The following ASMT variants were observed in gnomAD, a reference collection of about 807,000 sequenced individuals.
ASMT encodes acetylserotonin O-methyltransferase, also known as acetylserotonin N-methyltransferase.
Under a neutral mutation model 41.3 loss-of-function variants are expected in ASMT, and 53 were observed. The observed-to-expected ratio is 1.28, with a 90% CI of 1.03 to 1.61. The LOEUF (loss-of-function observed/expected upper bound fraction) is 1.61. Ranked by LOEUF, ASMT falls within the 40% of genes most tolerant of loss-of-function variation. ASMT has a pLI of 0.00. For synonymous variants in ASMT, 231 were observed against 184.8 expected (o/e 1.25, Z -2.03); for missense variants, 531 against 441.3 (o/e 1.20, Z -1.82).
At chrX:1,616,514 C>T (rs562472128) in intron 1 of ASMT, among the ~76,000 whole-genome samples, 5 of 151,180 alleles carry the variant, frequency 3.3e-5, no homozygotes, top group African/African-American at 4.8e-5. Flanking sequence ...TTCTGGAACC[C>T]GGCGGAAGTG....
intron 5 of ASMT, among the ~76,000 whole-genome samples, chrX:1,630,195 A>C (rs73174042): frequency 1.3e-5 from 2 of 151,350 alleles, no homozygotes; most frequent in African/African-American, 4.8e-5. Flanking sequence ...GTGCAGTGGC[A>C]TGATCTCGGC....
At chrX:1,625,903 C>T (rs1282268792) in intron 3 of ASMT, among the ~76,000 whole-genome samples, 26 of 138,040 alleles carry the variant, frequency 1.9e-4, no homozygotes, top group East Asian at 4.5e-4. Context: ...TGCAGTGAGC[C>T]AAGATCGCAC....
At chrX:1,617,175 T>C (rs1381712815) in intron 1 of ASMT, among the ~76,000 whole-genome samples, 1 of 149,044 alleles carries the variant, frequency 6.7e-6, no homozygotes, top group Non-Finnish European at 1.5e-5. Flanking sequence ...TGAGTCTCTT[T>C]AAAAAATAAA....
chrX:1,618,877 G>A (rs1344423570), intron 1 of ASMT, among the ~76,000 whole-genome samples: 2 of 151,744 alleles, frequency 1.3e-5, no homozygotes, highest in South Asian at 2.1e-4. Context: ...GGTTCACAGC[G>A]GTGTTCAGGG....
rs1355257937 is a variant in ASMT at position 1,632,787 on chromosome X, G to A, written c.646G>A (p.Gly216Ser). 4.9e-6 allele frequency: 2 copies of A among 411,826 alleles called. No individual in the cohort carries two copies. The highest frequency in any genetic ancestry group is 9.1e-6 in the Non-Finnish European group (2 of 219,678). The allele number at this position is 411,826 out of a possible 1,614,324, so 25.5% of individuals were successfully genotyped here. A position where few individuals can be genotyped will look rare whatever the true frequency, so the allele number is the denominator to read the frequency against. ...KTKHRVFSLI[G>S]GAGALAKECM... The stretch of plus-strand genomic sequence containing the variant: ...CAAACACCGCGTGTTCTCACTCATA[G>A]GTGGGAACTGAACAATGAGACCACA... The change falls in exon 6 of 9, where the codon GGT becomes AGT. Residue 216 changes from glycine (G) to serine (S), a missense_variant and splice_region_variant. By Grantham distance (56) the Gly-to-Ser change is moderately conservative (BLOSUM62 0). Transcript: ENST00000381241.
At chrX:1,615,755 TCG>T (rs1569367384) in intron 1 of ASMT, among the ~76,000 whole-genome samples, 7 of 151,242 alleles carry the variant, frequency 4.6e-5, no homozygotes, top group Non-Finnish European at 8.8e-5. Flanking sequence ...TGAGCCGAGA[TCG>T]CACCACTGCA....
chrX:1,616,091 C>CTGT (rs1569367676), intron 1 of ASMT, among the ~76,000 whole-genome samples: 9 of 151,392 alleles, frequency 5.9e-5, no homozygotes, highest in Non-Finnish European at 1.0e-4. Context: ...TGCAGTGGCA[C>CTGT]GGTCTTGGCT....
At chrX:1,616,210 G>C (rs1306510696) in intron 1 of ASMT, among the ~76,000 whole-genome samples, 5 of 151,414 alleles carry the variant, frequency 3.3e-5, no homozygotes, top group African/African-American at 4.9e-5. Flanking sequence ...TGTATTTTTA[G>C]TAGAGATGGG....
At chrX:1,616,635 C>T (rs1183239210) in intron 1 of ASMT, among the ~76,000 whole-genome samples, 12 of 151,310 alleles carry the variant, frequency 7.9e-5, no homozygotes, top group Non-Finnish European at 1.3e-4. Context: ...TTTGGGGGTC[C>T]GAAACGAGGG....
chrX:1,617,774 C>G (rs1241166748), intron 1 of ASMT, among the ~76,000 whole-genome samples: 4 of 151,668 alleles, frequency 2.6e-5, no homozygotes, highest in Non-Finnish European at 5.9e-5. Context: ...TTCCAACACG[C>G]CCAGATAATT....
intron 1 of ASMT, among the ~76,000 whole-genome samples, chrX:1,615,786 A>G (rs1454733195): frequency 6.6e-6 from 1 of 151,926 alleles, no homozygotes; most frequent in East Asian, 1.9e-4. Context: ...TGGGGGACAC[A>G]GCAAGACTCT....
intron 5 of ASMT, among the ~76,000 whole-genome samples, chrX:1,631,714 A>G (rs1237061985): frequency 6.6e-6 from 1 of 151,878 alleles, no homozygotes; most frequent in Non-Finnish European, 1.5e-5. Context: ...CAGGAGTTCG[A>G]GATCAGCCTG....
intron 6 of ASMT, 128 bp downstream of exon 6, chrX:1,632,915 A>T: frequency 1.6e-6 from 1 of 615,010 alleles, no homozygotes; most frequent in Non-Finnish European, 2.9e-6. Flanking sequence ...AATGTAAATG[A>T]CGAGTCGATG....
intron 3 of ASMT, among the ~76,000 whole-genome samples, chrX:1,627,482 G>T (rs1451645173): frequency 6.7e-6 from 1 of 149,896 alleles, no homozygotes; most frequent in Admixed American, 6.7e-5. Flanking sequence ...TTAGCTGGGC[G>T]TGGTGGCGGG....
At position 1,630,071 on chromosome X, in the gene ASMT, A is replaced by G. The variant is rs1484855141; in HGVS notation, c.562+132A>G. ...CGGCCTTACTGGTCTTAGAGGAATC[A>G]TTCCTCCCAGCACTGGGCACTTCCT... is the stretch of plus-strand genomic sequence containing the variant. On this transcript the variant is annotated intron_variant, in intron 5 of 8. Coordinates refer to ENST00000381241, the MANE Select transcript of ASMT (RefSeq NM_001171038.2). 29 of 867,312 alleles carry G rather than the reference A, an allele frequency of 3.3e-5. No individual in the cohort carries two copies. The South Asian group carries it at 3.7e-4, about 11-fold the overall frequency. 53.7% of individuals were successfully genotyped at this position (867,312 alleles called of 1,614,324 possible). A position where few individuals can be genotyped will look rare whatever the true frequency, so the allele number is the denominator to read the frequency against.
At position 1,637,017 on chromosome X, in the gene ASMT, C is replaced by T. The variant is rs1369170430; in HGVS notation, c.910+457C>T. On this transcript the variant is annotated intron_variant, in intron 8 of 8. Transcript: ENST00000381241. Reference sequence around the variant, plus strand: ...CTCTGTGTGTGATGGGGACAGTGTCCCAGCTCTCCTGTGAGGTCCATCCAT... The same window carrying T: ...CTCTGTGTGTGATGGGGACAGTGTCTCAGCTCTCCTGTGAGGTCCATCCAT... Among the ~76,000 whole-genome samples, 2 of 76,908 alleles carry T rather than the reference C, an allele frequency of 2.6e-5. 1 individual carries two copies. Among genetic ancestry groups the T allele is most frequent in the Non-Finnish European group, 5.1e-5 (2 of 39,380 alleles). The allele number at this position is 76,908 out of a possible 152,430, so 50.5% of individuals were successfully genotyped here.
rs181560554 is a variant in ASMT at position 1,631,783 on chromosome X, C to T, written c.563-921C>T. On this transcript the variant is annotated intron_variant, in intron 5 of 8. Transcript: ENST00000381241. The stretch of plus-strand genomic sequence containing the variant: ...TACAAAAAAAGGCTGGGTGCGGTGG[C>T]TCATGCCTGTAATCCCAGCACTTTG... Among the ~76,000 whole-genome samples, 40 of 152,200 alleles carry T rather than the reference C, an allele frequency of 2.6e-4. No homozygotes were observed. The South Asian group carries it at 5.0e-3, about 19-fold the overall frequency.
chrX:1,617,977 TG>T (rs1359716489), intron 1 of ASMT, among the ~76,000 whole-genome samples: 1 of 151,970 alleles, frequency 6.6e-6, no homozygotes, highest in Non-Finnish European at 1.5e-5. Flanking sequence ...TTCTCCTTCC[TG>T]GTTTGTAGAG....
intron 1 of ASMT, among the ~76,000 whole-genome samples, chrX:1,620,925 A>G (rs1467266549): frequency 7.7e-6 from 1 of 129,224 alleles, no homozygotes; most frequent in Non-Finnish European, 1.5e-5. Context: ...AAATAAAGAT[A>G]CCAAAAAAAA....
Sources: allele counts gnomAD v4.1 joint callset (sites outside exome capture counted in the v4.1 genomes callset), GRCh38; gene constraint gnomAD v4.1.1; transcripts MANE v1.5; gene names NCBI Gene and HGNC (gene_info 2026-07-23, HGNC 2026-07-21).